Variants in CLMN observed in about 807,000 individuals in gnomAD.
The protein encoded by CLMN is calmin (calponin-like, transmembrane).
CLMN carries 57 observed loss-of-function variants against 92.7 expected under a neutral mutation model. The observed-to-expected ratio is 0.61, with a 90% CI of 0.50 to 0.77. The LOEUF is 0.77. Ranked by LOEUF, CLMN falls within the 30% of genes least tolerant of loss-of-function variation. The pLI is 0.00. For missense variants in CLMN, 1,158 were observed against 1,237.5 expected (o/e 0.94, Z 0.96); for synonymous variants, 466 against 470.6 (o/e 0.99, Z 0.13).
chr14:95,231,490 G>A lies in CLMN; in HGVS notation c.83-1357C>T, dbSNP rs150740519. Among the ~76,000 whole-genome samples, 29 of 152,176 alleles carry A rather than the reference G, an allele frequency of 1.9e-4. 1 individual carries two copies. The highest frequency in any genetic ancestry group is 8.8e-5 in the Non-Finnish European group (6 of 68,012). On this transcript the variant is annotated intron_variant, in intron 1 of 12. Coordinates refer to ENST00000298912, the MANE Select transcript of CLMN (RefSeq NM_024734.4). ...TGGGATTACAGGCGTGAGCCACCGC[G>A]CCCAGCCGCATTAAATCCTCATAGG...
chr14:95,255,655 G>C (rs149353658), intron 1 of CLMN, among the ~76,000 whole-genome samples: 5 of 152,072 alleles, frequency 3.3e-5, no homozygotes, highest in Non-Finnish European at 5.9e-5. Context: ...GATTTCCATC[G>C]GGTCACCTTC....
At chr14:95,202,734 GC>G in intron 9 of CLMN, 103 bp downstream of exon 9, 1 of 1,255,702 alleles carries the variant, frequency 8.0e-7, no homozygotes, top group Non-Finnish European at 1.1e-6. Flanking sequence ...CCCAAGGGAA[GC>G]CCCCTCATCG....
Position 95,194,116 on chromosome 14 carries a change from G to A in CLMN, c.2770-197C>T, listed in dbSNP as rs1896632640. 7.0e-7 allele frequency: 1 copy of A among 1,420,786 alleles called. No homozygotes were observed. The highest frequency in any genetic ancestry group is 1.6e-5 in the South Asian group (1 of 63,182). The allele number at this position is 1,420,786 out of a possible 1,614,324, so 88.0% of individuals were successfully genotyped here. Reference sequence around the variant, plus strand: ...ACCTCCTCCCCTAAGCCCCTCCCTTGTGAGTGCGAGAGACCCCACCACCCG... The same window carrying A: ...ACCTCCTCCCCTAAGCCCCTCCCTTATGAGTGCGAGAGACCCCACCACCCG... On this transcript the variant is annotated intron_variant, in intron 11 of 12. Coordinates refer to ENST00000298912, the MANE Select transcript of CLMN (RefSeq NM_024734.4). This position sits in a 1 kb window ranked among gnomAD's most constrained non-coding sequence, Gnocchi z 4.0.
In CLMN at chr14:95,229,975, AAG is replaced by A. The variant is rs1199733391; in HGVS notation, c.144+95_144+96del. On this transcript the variant is annotated intron_variant, in intron 2 of 12. Coordinates refer to ENST00000298912, the MANE Select transcript of CLMN (RefSeq NM_024734.4). ...AATGTTTAAATGAATGAACAACAGAAAGAGCACAGGTCACCAGCTCCCCCTCC... is the reference window on the plus strand; with the variant it reads ...AATGTTTAAATGAATGAACAACAGAAAGCACAGGTCACCAGCTCCCCCTCC... 5.2e-6 allele frequency: 6 copies of A among 1,159,000 alleles called. No homozygotes were observed. The African/African-American group carries it at 9.1e-5, about 18-fold the overall frequency. The allele number at this position is 1,159,000 out of a possible 1,614,324, so 71.8% of individuals were successfully genotyped here.
At chr14:95,229,729 T>C (rs1355274723) in intron 2 of CLMN, among the ~76,000 whole-genome samples, 1 of 152,192 alleles carries the variant, frequency 6.6e-6, no homozygotes, top group East Asian at 1.9e-4. Context: ...CTCTTGGCTC[T>C]TCACAGATCC....
intron 1 of CLMN, among the ~76,000 whole-genome samples, chr14:95,234,575 A>G (rs1897992090): frequency 6.6e-6 from 1 of 152,224 alleles, no homozygotes; most frequent in Non-Finnish European, 1.5e-5. Context: ...TAGAGTCATA[A>G]AAGTGCTGTA....
intron 1 of CLMN, among the ~76,000 whole-genome samples, chr14:95,263,964 A>T (rs888727308): frequency 1.3e-5 from 2 of 152,020 alleles, no homozygotes; most frequent in African/African-American, 2.4e-5. Context: ...ACCATTCCCA[A>T]CTTGGTATTC....
In CLMN at chr14:95,190,756, G is replaced by A. The variant is rs1009725909; in HGVS notation, c.*808C>T. On this transcript the variant is annotated 3_prime_UTR_variant, in exon 13 of 13. Coordinates refer to ENST00000298912, the MANE Select transcript of CLMN (RefSeq NM_024734.4). ...CACCACCCAGCTCCAGCACTGCTGG[G>A]AGCTGATTCCAGCCCAGCCACTCCT... The A allele has an allele frequency of 1.3e-5, 2 of 152,154 alleles. No individual in the cohort carries two copies. Among genetic ancestry groups the A allele is most frequent in the African/African-American group, 2.4e-5 (1 of 41,408 alleles). The allele number at this position is 152,154 out of a possible 1,614,324, so 9.4% of individuals were successfully genotyped here.
At chr14:95,216,484 G>A (rs941348272) in intron 4 of CLMN, among the ~76,000 whole-genome samples, 1 of 152,220 alleles carries the variant, frequency 6.6e-6, no homozygotes, top group African/African-American at 2.4e-5. Flanking sequence ...TAAGGCTTCA[G>A]TCATTCTTTT....
Position 95,215,694 on chromosome 14 carries a change from C to T in CLMN, c.364G>A (p.Gly122Ser). ...AGCCCAAGAACCAAAGAAGGGTTGC[C>T]ATCTGCTATTTCTGCTGCATCAATG... ...VSIDAAEIAD[G>S]NPSLVLGLIW... is the part of the protein sequence containing the mutation. Residue 122 changes from glycine to serine, a missense_variant, in exon 5 of 13, where the codon GGC becomes AGC. By Grantham distance (56) the Gly-to-Ser change is moderately conservative (BLOSUM62 0). Coordinates refer to ENST00000298912, the MANE Select transcript of CLMN (RefSeq NM_024734.4). The T allele has an allele frequency of 6.2e-7, 1 of 1,614,144 alleles. No homozygotes were observed. Among genetic ancestry groups the T allele is most frequent in the Non-Finnish European group, 8.5e-7 (1 of 1,180,028 alleles).
chr14:95,202,503 CAA>C (rs1896912290), intron 9 of CLMN, among the ~76,000 whole-genome samples: 1 of 152,214 alleles, frequency 6.6e-6, no homozygotes, highest in Non-Finnish European at 1.5e-5. Context: ...TGCCCTGTGA[CAA>C]TGACTGCTTT....
At chr14:95,299,853 T>C (rs1294435757) in intron 1 of CLMN, among the ~76,000 whole-genome samples, 1 of 152,200 alleles carries the variant, frequency 6.6e-6, no homozygotes, top group Non-Finnish European at 1.5e-5. Flanking sequence ...ACTAGCTCAA[T>C]AGTTCTTTCA....
chr14:95,220,899 C>T (rs568317880), intron 4 of CLMN, among the ~76,000 whole-genome samples: 27 of 152,308 alleles, frequency 1.8e-4, no homozygotes, highest in Non-Finnish European at 3.2e-4. Context: ...GGGGGCTCTG[C>T]GGTAGTCCTG....
chr14:95,211,386 G>C (rs933843135), intron 6 of CLMN, among the ~76,000 whole-genome samples: 6 of 152,270 alleles, frequency 3.9e-5, no homozygotes, highest in East Asian at 1.9e-4. Context: ...CCAAGTCATA[G>C]GGTCAACCTA....
intron 1 of CLMN, among the ~76,000 whole-genome samples, chr14:95,287,546 A>C (rs570932257): frequency 2.0e-5 from 3 of 152,218 alleles, no homozygotes; most frequent in Non-Finnish European, 4.4e-5. Context: ...TTGAGCACCC[A>C]TCAGAAGCAC....
chr14:95,235,121 T>TCACACA (rs140586255), intron 1 of CLMN, among the ~76,000 whole-genome samples: 12 of 150,704 alleles, frequency 8.0e-5, no homozygotes, highest in African/African-American at 2.4e-4. Flanking sequence ...TCTCTCTCTC[T>TCACACA]CACACACACA....
chr14:95,313,394 G>C (rs1901624504), intron 1 of CLMN, among the ~76,000 whole-genome samples: 2 of 152,190 alleles, frequency 1.3e-5, no homozygotes, highest in Non-Finnish European at 2.9e-5. Flanking sequence ...TCCTGCAAAA[G>C]CAGCTATAGG....
intron 1 of CLMN, among the ~76,000 whole-genome samples, chr14:95,257,779 T>C (rs1156954989): frequency 2.0e-5 from 3 of 152,196 alleles, no homozygotes. Context: ...CAGTCCCAGT[T>C]GGACTGACTT....
intron 1 of CLMN, among the ~76,000 whole-genome samples, chr14:95,306,866 C>G (rs1331414242): frequency 6.6e-6 from 1 of 152,098 alleles, no homozygotes; most frequent in Non-Finnish European, 1.5e-5. Context: ...AAAGAGGGGT[C>G]CTACATCCTC....
Sources: allele counts gnomAD v4.1 joint callset (sites outside exome capture counted in the v4.1 genomes callset), GRCh38; gene constraint gnomAD v4.1.1; non-coding constraint Gnocchi (gnomAD v3.1); transcripts MANE v1.5; gene names NCBI Gene and HGNC (gene_info 2026-07-23, HGNC 2026-07-21).